The following TEX14 variants were observed in gnomAD, a reference collection of about 807,000 sequenced individuals.
TEX14 encodes the protein inactive serine/threonine-protein kinase TEX14.
Under a neutral mutation model 178.6 loss-of-function variants are expected in TEX14, and 168 were observed. That is an observed-to-expected ratio of 0.94 (90% CI 0.83 to 1.07). The LOEUF (loss-of-function observed/expected upper bound fraction) is 1.07. Among genes scored for constraint, TEX14 ranks in the 50% least tolerant of loss-of-function variants. TEX14 has a pLI of 0.00. For synonymous variants in TEX14, 626 were observed against 634.1 expected (o/e 0.99, Z 0.19); for missense variants, 1,730 against 1,753.6 (o/e 0.99, Z 0.24).
At chr17:58,567,339 T>C (rs1453067130) in intron 26 of TEX14, among the ~76,000 whole-genome samples, 3 of 152,112 alleles carry the variant, frequency 2.0e-5, no homozygotes, top group African/African-American at 7.2e-5. Flanking sequence ...CATGGTCCTC[T>C]TCTGTGCTGG....
intron 1 of TEX14, among the ~76,000 whole-genome samples, chr17:58,667,416 A>G (rs1203882569): frequency 1.3e-5 from 2 of 152,214 alleles, no homozygotes; most frequent in Non-Finnish European, 2.9e-5. Context: ...CTTAAAGCAT[A>G]ATTATAACAT....
rs766588175 is a variant in TEX14 at position 58,557,788 on chromosome 17, T to C, written c.4319+11A>G. 3.7e-6 allele frequency: 6 copies of C among 1,607,176 alleles called. No individual in the cohort carries two copies. The highest frequency in any genetic ancestry group is 3.3e-5 in the South Asian group (3 of 90,016). On this transcript the variant is annotated intron_variant, in intron 31 of 31. Coordinates refer to ENST00000349033, the MANE Select transcript of TEX14 (RefSeq NM_031272.5). ...TGACTTTTGATCTACAAACATCTGA[T>C]ATTTCATTACCTGGATGATTCGGAC...
chr17:58,668,237 T>C (rs1342163950), intron 1 of TEX14, among the ~76,000 whole-genome samples: 1 of 152,198 alleles, frequency 6.6e-6, no homozygotes, highest in Non-Finnish European at 1.5e-5. Flanking sequence ...CATTTGCCCA[T>C]GCTGTACTTT....
chr17:58,583,855 C>T (rs1316880246), intron 19 of TEX14, among the ~76,000 whole-genome samples: 13 of 152,208 alleles, frequency 8.5e-5, no homozygotes, highest in Non-Finnish European at 1.9e-4. Flanking sequence ...AAAGACCTTA[C>T]ATTTTATCAC....
intron 15 of TEX14, among the ~76,000 whole-genome samples, chr17:58,591,208 G>T (rs1263038457): frequency 6.6e-6 from 1 of 152,032 alleles, no homozygotes; most frequent in Non-Finnish European, 1.5e-5. Context: ...CCCTTCATAG[G>T]AATAAAATCC....
At chr17:58,659,235 T>TCCCAAATACAA (rs57065505) in intron 1 of TEX14, 2 of 493,428 alleles carry the variant, frequency 4.1e-6, no homozygotes, top group Non-Finnish European at 5.3e-6. Flanking sequence ...AGCAAACACA[T>TCCCAAATACAA]AGTAAAAACC....
intron 1 of TEX14, among the ~76,000 whole-genome samples, chr17:58,676,625 T>C (rs1458700348): frequency 6.6e-6 from 1 of 152,104 alleles, no homozygotes; most frequent in Non-Finnish European, 1.5e-5. Context: ...AAGGTGATCA[T>C]TCAAAGTAGT....
chr17:58,646,394 C>T (rs1170467727), intron 2 of TEX14, among the ~76,000 whole-genome samples: 1 of 152,192 alleles, frequency 6.6e-6, no homozygotes, highest in Non-Finnish European at 1.5e-5. Context: ...TCTCACATCT[C>T]TCTCCACCCC....
In TEX14 at chr17:58,611,156, C is replaced by T. The variant is rs2045735489; in HGVS notation, c.1184+5G>A. ...GGAGAAAGTCCCACTCCATGTTATG[C>T]CCACCTTTCCAACATGTACTCCAGG... On this transcript the variant is annotated splice_donor_5th_base_variant and intron_variant, in intron 10 of 31. Transcript: ENST00000349033. 6.2e-7 allele frequency: 1 copy of T among 1,610,658 alleles called. No homozygotes were observed. The highest frequency in any genetic ancestry group is 1.1e-5 in the South Asian group (1 of 90,924).
chr17:58,630,562 G>T lies in TEX14; in HGVS notation c.137-8C>A. 1 of 1,597,142 alleles carries T rather than the reference G, an allele frequency of 6.3e-7. No individual in the cohort carries two copies. The highest frequency in any genetic ancestry group is 1.1e-5 in the South Asian group (1 of 90,662). ...CTGCATCAACATAAATTCCTGCAAA[G>T]GAAATATCAGAATCAATGCAAATAT... On this transcript the variant is annotated splice_polypyrimidine_tract_variant and splice_region_variant and intron_variant, in intron 2 of 31. Coordinates refer to ENST00000349033, the MANE Select transcript of TEX14 (RefSeq NM_031272.5).
intron 8 of TEX14, among the ~76,000 whole-genome samples, chr17:58,614,723 T>C (rs1379279107): frequency 1.3e-5 from 2 of 152,196 alleles, no homozygotes; most frequent in Non-Finnish European, 2.9e-5. Flanking sequence ...ACTGAATGAA[T>C]GAATCAAGAA....
At chr17:58,630,058 C>T (rs1449684150) in intron 3 of TEX14, among the ~76,000 whole-genome samples, 1 of 145,092 alleles carries the variant, frequency 6.9e-6, no homozygotes, top group Non-Finnish European at 1.5e-5. Context: ...AAAATTCACC[C>T]TTTTTTTTTT....
At chr17:58,585,196 C>T (rs944359161) in intron 18 of TEX14, among the ~76,000 whole-genome samples, 1 of 152,114 alleles carries the variant, frequency 6.6e-6, no homozygotes, top group Non-Finnish European at 1.5e-5. Context: ...AAAGAAGGAT[C>T]GATTCCTCGC....
At chr17:58,683,819 C>A (rs1014048545) in intron 1 of TEX14, among the ~76,000 whole-genome samples, 53 of 151,378 alleles carry the variant, frequency 3.5e-4, no homozygotes, top group African/African-American at 1.2e-3. Context: ...GTAATCCCAG[C>A]ACTTTGGGAG....
At chr17:58,674,946 G>T (rs2047370540) in intron 1 of TEX14, among the ~76,000 whole-genome samples, 1 of 150,114 alleles carries the variant, frequency 6.7e-6, no homozygotes, top group Non-Finnish European at 1.5e-5. Flanking sequence ...AGGAGTTTGA[G>T]ACCAGCCTGG....
chr17:58,573,081 A>C (rs999484968), intron 23 of TEX14, 100 bp downstream of exon 23: 1 of 1,509,210 alleles, frequency 6.6e-7, no homozygotes, highest in Non-Finnish European at 9.0e-7. Flanking sequence ...GCACTATGAC[A>C]ACACAGCCAC....
intron 1 of TEX14, among the ~76,000 whole-genome samples, chr17:58,681,954 T>A: frequency 6.6e-6 from 1 of 152,162 alleles, no homozygotes; most frequent in East Asian, 1.9e-4. Flanking sequence ...AAACAATTCT[T>A]ACAACCAAAA....
chr17:58,659,311 A>T, intron 1 of TEX14: 1 of 976,764 alleles, frequency 1.0e-6, no homozygotes, highest in Non-Finnish European at 1.2e-6. Flanking sequence ...GACATTATTT[A>T]CTTAATATTG....
intron 1 of TEX14, among the ~76,000 whole-genome samples, chr17:58,683,720 G>A (rs934598482): frequency 1.4e-5 from 2 of 146,546 alleles, no homozygotes; most frequent in African/African-American, 2.5e-5. Context: ...CTGAGACTGC[G>A]CCACTGCACT....
Sources: gnomAD v4.1 joint callset for allele counts (sites outside exome capture counted in the v4.1 genomes callset) on GRCh38, gnomAD v4.1.1 for gene constraint, MANE v1.5 for transcripts, NCBI Gene and HGNC (gene_info 2026-07-23, HGNC 2026-07-21) for gene names.